PI4KA: variants seen among roughly 807,000 people sequenced by gnomAD.
The protein encoded by PI4KA is phosphatidylinositol 4-kinase alpha, also known as PI4-kinase alpha.
A neutral mutation model predicts 271.4 loss-of-function variants in PI4KA; 122 were observed. That is an observed-to-expected ratio of 0.45 (90% CI 0.39 to 0.52). The LOEUF (loss-of-function observed/expected upper bound fraction) is 0.52. Among genes scored for constraint, PI4KA ranks in the 20% least tolerant of loss-of-function variants. The pLI is 0.00. For missense variants in PI4KA, 1,969 were observed against 2,769.1 expected, an observed-to-expected ratio of 0.71 and a Z score of 6.48; for synonymous variants, 1,041 against 1,078.8, an observed-to-expected ratio of 0.96 and a Z score of 0.69.
intron 7 of PI4KA, among the ~76,000 whole-genome samples, chr22:20,813,936 T>A (rs760355532): frequency 1.1e-4 from 17 of 152,134 alleles, no homozygotes; most frequent in Non-Finnish European, 1.5e-4. Context: ...GTAGCTGGAA[T>A]AACAGATGCC....
intron 19 of PI4KA, among the ~76,000 whole-genome samples, chr22:20,777,469 C>T (rs991999240): frequency 6.6e-6 from 1 of 152,156 alleles, no homozygotes; most frequent in Non-Finnish European, 1.5e-5. Context: ...CCGCCCACCT[C>T]GGCCTCCCAA....
chr22:20,753,015 C>G lies in PI4KA; in HGVS notation c.2875G>C (p.Glu959Gln). 1 of 1,614,240 alleles carries G rather than the reference C, an allele frequency of 6.2e-7. No individual in the cohort carries two copies. Among genetic ancestry groups the G allele is most frequent in the Non-Finnish European group, 8.5e-7 (1 of 1,180,052 alleles). Residue 959 changes from glutamate to glutamine, a missense_variant, in exon 25 of 55, where the codon GAG becomes CAG. By Grantham distance (29) the Glu-to-Gln change is conservative. Transcript: ENST00000255882. ...NMMADKAKTKENEEELERHAQ... is the reference protein window; with the variant it reads ...NMMADKAKTKQNEEELERHAQ... ...TGCCGCTCCAGCTCCTCCTCGTTCTCCTTGGTCTTGGCCTAGAGATGCAAA... is the reference window on the plus strand; with the variant it reads ...TGCCGCTCCAGCTCCTCCTCGTTCTGCTTGGTCTTGGCCTAGAGATGCAAA...
At chr22:20,846,263 C>CAA (rs361641) in intron 1 of PI4KA, among the ~76,000 whole-genome samples, 1 of 82,088 alleles carries the variant, frequency 1.2e-5, no homozygotes, top group Non-Finnish European at 2.4e-5. Flanking sequence ...GACTCTATCT[C>CAA]AAAAAAAAAA....
At chr22:20,779,628 T>A (rs778756723) in intron 19 of PI4KA, 33 of 1,614,064 alleles carry the variant, frequency 2.0e-5, no homozygotes, top group Non-Finnish European at 2.6e-5. Context: ...CCCGACAGAC[T>A]CTGATGTGAG....
At chr22:20,791,236 C>A (rs547564178) in intron 19 of PI4KA, among the ~76,000 whole-genome samples, 5 of 152,226 alleles carry the variant, frequency 3.3e-5, no homozygotes, top group Non-Finnish European at 7.3e-5. Flanking sequence ...TTCTGATGGT[C>A]AAAGATCCTG....
In PI4KA at chr22:20,729,669, T is replaced by A; in HGVS notation, c.4451A>T (p.Tyr1484Phe). ...CAGCAGCGTCCTGCGCTTCATGTAG[T>A]ATTTGTGCAGCTGGGAGCCCCGGTT... Reference protein sequence around the residue: ...KTNRGSQLHKYYMKRRTLLLS... With the variant: ...KTNRGSQLHKFYMKRRTLLLS... The change falls in exon 38 of 55, where the codon TAC (tyrosine) becomes TTC (phenylalanine). Residue 1484 changes from tyrosine (Y) to phenylalanine (F), a missense_variant. Coordinates refer to ENST00000255882, the MANE Select transcript of PI4KA (RefSeq NM_058004.4). 6.3e-7 allele frequency: 1 copy of A among 1,586,396 alleles called. No individual in the cohort carries two copies. Among genetic ancestry groups the A allele is most frequent in the Non-Finnish European group, 8.6e-7 (1 of 1,164,406 alleles).
intron 9 of PI4KA, among the ~76,000 whole-genome samples, chr22:20,808,012 C>G (rs191041056): frequency 6.6e-6 from 1 of 151,934 alleles, no homozygotes; most frequent in African/African-American, 2.4e-5. Flanking sequence ...TAGTCCAGCC[C>G]GGGTGTGGTG....
chr22:20,765,180 AGGGG>A lies in PI4KA; in HGVS notation c.2490_2493del (p.Pro831CysfsTer20). The A allele has an allele frequency of 6.2e-7, 1 of 1,613,908 alleles. No individual in the cohort carries two copies. Among genetic ancestry groups the A allele is most frequent in the East Asian group, 2.2e-5 (1 of 44,880 alleles). ...GGCTCCTTGCTGGGAAAGGTGAGCA[AGGGG>A]GACTTAGTGGCTATTTCACAGACCC... is the stretch of plus-strand genomic sequence containing the variant. On this transcript the variant is annotated frameshift_variant, in exon 21 of 55. Coordinates refer to ENST00000255882, the MANE Select transcript of PI4KA (RefSeq NM_058004.4). LOFTEE classifies it high-confidence loss of function.
At chr22:20,838,845 A>G in intron 1 of PI4KA, 114 bp from the exon 2 acceptor site, 1 of 633,322 alleles carries the variant, frequency 1.6e-6, no homozygotes. Flanking sequence ...CAGGAGGCTG[A>G]GGTGGGAGGA....
In PI4KA at chr22:20,801,953, C is replaced by T. The variant is rs1467833437; in HGVS notation, c.1724+20G>A. 2 of 1,613,320 alleles carry T rather than the reference C, an allele frequency of 1.2e-6. No individual in the cohort carries two copies. Among genetic ancestry groups the T allele is most frequent in the Non-Finnish European group, 1.7e-6 (2 of 1,179,514 alleles). On this transcript the variant is annotated intron_variant, in intron 14 of 54. Transcript: ENST00000255882. Reference sequence around the variant, plus strand: ...TGTCTGGAGCACTGCTGTCTACTCGCCACTTGCCCAGCTTCCCACCTGCAG... The same window carrying T: ...TGTCTGGAGCACTGCTGTCTACTCGTCACTTGCCCAGCTTCCCACCTGCAG...
chr22:20,746,648 A>G (rs1007297299), intron 29 of PI4KA, among the ~76,000 whole-genome samples: 33 of 152,240 alleles, frequency 2.2e-4, no homozygotes, highest in African/African-American at 7.5e-4. Flanking sequence ...AGAGACGTCC[A>G]GGTCAGGGCA....
chr22:20,711,947 G>T (rs544094752), intron 50 of PI4KA, among the ~76,000 whole-genome samples: 11 of 151,626 alleles, frequency 7.3e-5, no homozygotes, highest in Non-Finnish European at 1.5e-4. Flanking sequence ...GTTTCACCAT[G>T]TTGGTCAGGA....
chr22:20,848,371 T>C (rs1926542760), intron 1 of PI4KA, among the ~76,000 whole-genome samples: 1 of 151,994 alleles, frequency 6.6e-6, no homozygotes, highest in Non-Finnish European at 1.5e-5. Flanking sequence ...AAAATTTCCA[T>C]GGTAATTCAA....
At chr22:20,727,180 C>T in intron 41 of PI4KA, 50 bp downstream of exon 41, 1 of 1,547,546 alleles carries the variant, frequency 6.5e-7, no homozygotes, top group East Asian at 2.3e-5. Context: ...CAGGTAAGAC[C>T]CCTCCCAACA....
chr22:20,730,156 T>A, intron 36 of PI4KA, 145 bp from the exon 37 acceptor site: 1 of 812,654 alleles, frequency 1.2e-6, no homozygotes, highest in Non-Finnish European at 1.9e-6. Context: ...CAGGAACAAA[T>A]CTGTCTGGAT....
chr22:20,854,393 T>C (rs1927343611), intron 1 of PI4KA, among the ~76,000 whole-genome samples: 2 of 152,162 alleles, frequency 1.3e-5, no homozygotes, highest in Admixed American at 1.3e-4. Context: ...AGTGCTGGGA[T>C]TACAGGCGTG....
chr22:20,708,023 C>T lies in PI4KA; in HGVS notation c.*24G>A. On this transcript the variant is annotated 3_prime_UTR_variant, in exon 55 of 55. Coordinates refer to ENST00000255882, the MANE Select transcript of PI4KA (RefSeq NM_058004.4). ...GGGACAGCTTTGAGGGCACATGGGG[C>T]AGAGGCCCTCGAAGGTCCCCTCCTC... is the stretch of plus-strand genomic sequence containing the variant. 6.3e-7 allele frequency: 1 copy of T among 1,590,762 alleles called. No individual in the cohort carries two copies. The highest frequency in any genetic ancestry group is 8.6e-7 in the Non-Finnish European group (1 of 1,159,168).
chr22:20,831,176 A>G (rs568297654), intron 3 of PI4KA, among the ~76,000 whole-genome samples: 2 of 152,304 alleles, frequency 1.3e-5, no homozygotes, highest in South Asian at 2.1e-4. Context: ...ATCCCTTAGC[A>G]TGTGCTTGTC....
intron 3 of PI4KA, among the ~76,000 whole-genome samples, chr22:20,829,719 T>C: frequency 6.6e-6 from 1 of 152,154 alleles, no homozygotes; most frequent in East Asian, 1.9e-4. Context: ...TTTGTTCTTA[T>C]TTCTTTAGTT....
Sources: gnomAD v4.1 joint callset for allele counts (sites outside exome capture counted in the v4.1 genomes callset) on GRCh38, gnomAD v4.1.1 for gene constraint, MANE v1.5 for transcripts, NCBI Gene and HGNC (gene_info 2026-07-23, HGNC 2026-07-21) for gene names.